The following PCDH17 variants were observed in gnomAD, a reference collection of about 807,000 sequenced individuals.
The protein encoded by PCDH17 is protocadherin 17, also known as protocadherin-17.
A neutral mutation model predicts 67.7 loss-of-function variants in PCDH17; 21 were observed. That is an observed-to-expected ratio of 0.31 (90% CI 0.22 to 0.45). PCDH17 has a LOEUF of 0.45. Among genes scored for constraint, PCDH17 ranks in the 20% least tolerant of loss-of-function variants. The probability of loss-of-function intolerance (pLI) is 1.00; values close to 1 mark genes in which losing one functional copy is unlikely to be tolerated. For synonymous variants in PCDH17, 701 were observed against 656.7 expected (o/e 1.07, Z -1.03); for missense variants, 1,471 against 1,564.8 (o/e 0.94, Z 1.01).
chr13:57,660,313 T>C (rs920591911), intron 1 of PCDH17, among the ~76,000 whole-genome samples: 1 of 152,144 alleles, frequency 6.6e-6, no homozygotes, highest in African/African-American at 2.4e-5. Flanking sequence ...ATTAAATAGA[T>C]ATTTATATCC....
At chr13:57,680,600 T>C (rs1354583036) in intron 3 of PCDH17, among the ~76,000 whole-genome samples, 2 of 151,618 alleles carry the variant, frequency 1.3e-5, no homozygotes, top group African/African-American at 4.8e-5. Flanking sequence ...TATTATACTT[T>C]AAGTTTTAGG....
At chr13:57,658,013 G>A (rs183347470) in intron 1 of PCDH17, among the ~76,000 whole-genome samples, 3 of 152,048 alleles carry the variant, frequency 2.0e-5, no homozygotes, top group Admixed American at 1.3e-4. Flanking sequence ...AAATGTCTTC[G>A]TCTTTATATT....
At position 57,633,814 on chromosome 13, in the gene PCDH17, C is replaced by T. The variant is rs2137970065; in HGVS notation, c.1268C>T (p.Thr423Met). The change falls in exon 1 of 4, where the codon ACG becomes ATG. Residue 423 changes from threonine (T) to methionine (M), a missense_variant. By Grantham distance (81) the Thr-to-Met change is moderately conservative. This residue lies in a region of PCDH17 where 1,163 missense variants were observed against 1,230.0 expected (regional missense o/e 0.95). Transcript: ENST00000377918. The surrounding 1 kb of genome is among the most constrained non-coding windows in gnomAD (Gnocchi z 6.2). ...KLEENYDNFY[T>M]VVTDRPLDRE... ...GAGGAGAACTACGACAACTTCTACA[C>T]GGTGGTGACTGACCGCCCGCTGGAC... 6.2e-7 allele frequency: 1 copy of T among 1,611,324 alleles called. No individual in the cohort carries two copies. Among genetic ancestry groups the T allele is most frequent in the South Asian group, 1.1e-5 (1 of 91,048 alleles).
chr13:57,728,256 G>A lies in PCDH17; in HGVS notation c.*2962G>A, dbSNP rs1476402164. 6.6e-6 allele frequency: 1 copy of A among 152,508 alleles called. No individual in the cohort carries two copies. Among genetic ancestry groups the A allele is most frequent in the African/African-American group, 2.4e-5 (1 of 41,418 alleles). The allele number at this position is 152,508 out of a possible 1,614,324, so 9.4% of individuals were successfully genotyped here. On this transcript the variant is annotated 3_prime_UTR_variant, in exon 4 of 4. Transcript: ENST00000377918. ...GATGCCAAAATCACACCTTTAGAGA[G>A]CACCTTGCTCTAATAGGTGATGCAT...
chr13:57,696,376 G>A (rs1241611260), intron 3 of PCDH17, among the ~76,000 whole-genome samples: 4 of 150,838 alleles, frequency 2.7e-5, no homozygotes, highest in Non-Finnish European at 4.5e-5. Flanking sequence ...TTTTAATTTC[G>A]TGTAAATTAA....
intron 1 of PCDH17, among the ~76,000 whole-genome samples, chr13:57,650,421 A>C (rs926593966): frequency 2.0e-5 from 3 of 152,112 alleles, no homozygotes; most frequent in African/African-American, 7.2e-5. Context: ...TGAATTGCTT[A>C]CATTTGACTA....
intron 1 of PCDH17, among the ~76,000 whole-genome samples, chr13:57,642,373 T>C (rs1954916494): frequency 1.3e-5 from 2 of 151,672 alleles, no homozygotes; most frequent in South Asian, 4.1e-4. Flanking sequence ...TGTAGATATA[T>C]ACTCTTATAA....
chr13:57,669,013 C>G (rs926282934), intron 3 of PCDH17, among the ~76,000 whole-genome samples: 8 of 151,894 alleles, frequency 5.3e-5, no homozygotes, highest in Non-Finnish European at 1.2e-4. Flanking sequence ...CACAACAGGC[C>G]CCGTGTGTGA....
chr13:57,710,196 T>C (rs915463173), intron 3 of PCDH17, among the ~76,000 whole-genome samples: 1 of 151,886 alleles, frequency 6.6e-6, no homozygotes, highest in Non-Finnish European at 1.5e-5. Flanking sequence ...TCTGCTTCAC[T>C]GTTGCCACCT....
intron 3 of PCDH17, among the ~76,000 whole-genome samples, chr13:57,716,564 C>T (rs773831983): frequency 5.3e-5 from 8 of 151,888 alleles, no homozygotes; most frequent in Non-Finnish European, 1.0e-4. Flanking sequence ...CCACCTCTTG[C>T]ATAAAGCCTT....
intron 1 of PCDH17, among the ~76,000 whole-genome samples, chr13:57,650,263 A>AGTGTG (rs1955020044): frequency 1.4e-5 from 1 of 71,790 alleles, no homozygotes; most frequent in Non-Finnish European, 2.8e-5. Context: ...TGTGTGTGTA[A>AGTGTG]TAACAGATAC....
rs1271027336 is a variant in PCDH17, at chr13:57,727,746, C to T, written c.*2452C>T. On this transcript the variant is annotated 3_prime_UTR_variant, in exon 4 of 4. Transcript: ENST00000377918. ...ATATGATGTTATTTTTGCCAGGAGA[C>T]TACAGGTTGATTTAGCTTGATAGCT... The T allele has an allele frequency of 6.6e-6, 1 of 152,072 alleles. No individual in the cohort carries two copies. The highest frequency in any genetic ancestry group is 6.6e-5 in the Admixed American group (1 of 15,238). 9.4% of individuals were successfully genotyped at this position (152,072 alleles called of 1,614,324 possible). A position where few individuals can be genotyped will look rare whatever the true frequency, so the allele number is the denominator to read the frequency against.
intron 3 of PCDH17, among the ~76,000 whole-genome samples, chr13:57,687,102 G>A (rs991028876): frequency 6.6e-6 from 1 of 151,982 alleles, no homozygotes; most frequent in Non-Finnish European, 1.5e-5. Flanking sequence ...TAATAAAAAT[G>A]GCACATCGTG....
At chr13:57,665,172 T>TGG (rs549277336) in intron 1 of PCDH17, among the ~76,000 whole-genome samples, 1,647 of 150,478 alleles carry the variant, frequency 0.011, 33 homozygotes, top group African/African-American at 0.036. Flanking sequence ...AAGAAATTTG[T>TGG]GGGGGGGGTT....
Position 57,708,232 on chromosome 13 carries a change from T to C in PCDH17, c.2798-16380T>C, listed in dbSNP as rs1955739266. Among the ~76,000 whole-genome samples, 3 of 152,194 alleles carry C rather than the reference T, an allele frequency of 2.0e-5. No individual in the cohort carries two copies. In the South Asian group the frequency reaches 6.2e-4, roughly 32 times the overall value. On this transcript the variant is annotated intron_variant, in intron 3 of 3. Coordinates refer to ENST00000377918, the MANE Select transcript of PCDH17 (RefSeq NM_001040429.3). ...GCTTTCTACGTAGTAAAATGGTTAA[T>C]GGATATTGAAAAGCCTTATTGTTGG...
intron 3 of PCDH17, among the ~76,000 whole-genome samples, chr13:57,714,271 C>T (rs1311397602): frequency 2.0e-5 from 3 of 151,580 alleles, no homozygotes; most frequent in Admixed American, 6.6e-5. Flanking sequence ...AGATGAACAA[C>T]AGGATTTAAA....
At chr13:57,663,061 G>A (rs1410834361) in intron 1 of PCDH17, among the ~76,000 whole-genome samples, 2 of 151,968 alleles carry the variant, frequency 1.3e-5, no homozygotes, top group Non-Finnish European at 2.9e-5. Context: ...TTTGTCTCAT[G>A]TATTATTGAT....
chr13:57,706,235 G>C (rs2138082425), intron 3 of PCDH17, among the ~76,000 whole-genome samples: 1 of 152,176 alleles, frequency 6.6e-6, no homozygotes, highest in East Asian at 1.9e-4. Flanking sequence ...GCTGTCAATT[G>C]AATCTTACAG....
chr13:57,632,264 C>T lies in PCDH17; in HGVS notation c.-283C>T, dbSNP rs1167649663. 1 of 491,324 alleles carries T rather than the reference C, an allele frequency of 2.0e-6. No individual in the cohort carries two copies. The highest frequency in any genetic ancestry group is 3.6e-5 in the East Asian group (1 of 27,606). The allele number at this position is 491,324 out of a possible 1,614,324, so 30.4% of individuals were successfully genotyped here. A position where few individuals can be genotyped will look rare whatever the true frequency, so the allele number is the denominator to read the frequency against. ...CGGGAGAGACGAAACCCCTGGCTCA[C>T]CCCCAGCCGCAGGAAGCCACCGCCT... On this transcript the variant is annotated 5_prime_UTR_variant, in exon 1 of 4. Coordinates refer to ENST00000377918, the MANE Select transcript of PCDH17 (RefSeq NM_001040429.3).
Sources: allele counts gnomAD v4.1 joint callset (sites outside exome capture counted in the v4.1 genomes callset), GRCh38; gene constraint gnomAD v4.1.1; regional missense constraint gnomAD v4.1.1; non-coding constraint Gnocchi (gnomAD v3.1); transcripts MANE v1.5; gene names NCBI Gene and HGNC (gene_info 2026-07-23, HGNC 2026-07-21).